Variants in PKIB observed in about 807,000 individuals in gnomAD.
The protein encoded by PKIB is PKI-beta.
PKIB carries 2 observed loss-of-function variants against 4.5 expected under a neutral mutation model. The observed-to-expected ratio is 0.44, with a 90% confidence interval of 0.18 to 1.39. The LOEUF is 1.39. Ranked by LOEUF, PKIB falls within the 40% of genes most tolerant of loss-of-function variation. PKIB has a pLI of 0.27. For missense variants in PKIB, 94 were observed against 92.6 expected (o/e 1.02, Z -0.06); for synonymous variants, 38 against 36.0 (o/e 1.06, Z -0.20).
At chr6:122,548,458 A>C (rs1772573672) in intron 2 of PKIB, among the ~76,000 whole-genome samples, 1 of 152,210 alleles carries the variant, frequency 6.6e-6, no homozygotes, top group South Asian at 2.1e-4. Context: ...AAGCATACGT[A>C]GAGAATGATA....
At chr6:122,623,803 T>C (rs1775328838) in intron 1 of PKIB, among the ~76,000 whole-genome samples, 1 of 152,038 alleles carries the variant, frequency 6.6e-6, no homozygotes, top group South Asian at 2.1e-4. Flanking sequence ...TAAGTTTTTT[T>C]CTAAGATATA....
chr6:122,644,057 T>C (rs998589133), intron 2 of PKIB: 1 of 152,160 alleles, frequency 6.6e-6, no homozygotes, highest in Admixed American at 6.5e-5. Context: ...TTTTTTCATA[T>C]CGTGTGAGCT....
At chr6:122,477,384 G>A (rs1481680766) in intron 1 of PKIB, among the ~76,000 whole-genome samples, 1 of 152,022 alleles carries the variant, frequency 6.6e-6, no homozygotes, top group African/African-American at 2.4e-5. Context: ...TTTGCTTTAG[G>A]TATTGAACCT....
intron 3 of PKIB, among the ~76,000 whole-genome samples, chr6:122,675,941 G>A (rs141194523): frequency 1.3e-4 from 20 of 151,986 alleles, no homozygotes; most frequent in African/African-American, 4.3e-4. Flanking sequence ...TTGGCACCAG[G>A]GACTGGTTTC....
At chr6:122,647,495 A>G (rs1161515434) in intron 2 of PKIB, among the ~76,000 whole-genome samples, 1 of 152,178 alleles carries the variant, frequency 6.6e-6, no homozygotes, top group African/African-American at 2.4e-5. Context: ...AGAACATAGC[A>G]AAGTCATTCT....
At chr6:122,569,453 A>G (rs955867184) in intron 2 of PKIB, among the ~76,000 whole-genome samples, 2 of 152,234 alleles carry the variant, frequency 1.3e-5, no homozygotes, top group Admixed American at 6.5e-5. Context: ...ACCACTGCGT[A>G]CAACACCCTG....
intron 3 of PKIB, among the ~76,000 whole-genome samples, chr6:122,677,968 C>T (rs562611998): frequency 1.3e-5 from 2 of 151,320 alleles, no homozygotes; most frequent in Non-Finnish European, 2.9e-5. Context: ...AGTGCAGTGG[C>T]GAGATCTCGG....
intron 2 of PKIB, among the ~76,000 whole-genome samples, chr6:122,540,673 G>C (rs1167564244): frequency 6.6e-6 from 1 of 151,986 alleles, no homozygotes; most frequent in Non-Finnish European, 1.5e-5. Context: ...TTGGGGTGGA[G>C]AGCTCTGTAG....
chr6:122,521,335 C>T (rs1005298099), intron 2 of PKIB, among the ~76,000 whole-genome samples: 2 of 152,088 alleles, frequency 1.3e-5, no homozygotes, highest in African/African-American at 4.8e-5. Flanking sequence ...CTTTTTGTCA[C>T]ACGACACAAT....
intron 1 of PKIB, among the ~76,000 whole-genome samples, chr6:122,619,399 T>C (rs1358194927): frequency 6.6e-6 from 1 of 152,168 alleles, no homozygotes; most frequent in Non-Finnish European, 1.5e-5. Flanking sequence ...TCTTACCTTA[T>C]TTTATTATTA....
At chr6:122,672,460 T>C (rs2815596) in intron 2 of PKIB, among the ~76,000 whole-genome samples, 150,282 of 152,340 alleles carry the variant, frequency 0.99, 74,150 homozygotes, top group East Asian at 1. Context: ...CTTTGATCTG[T>C]TCCCTTTGTA....
At chr6:122,719,811 C>CTTGATTAA (rs1779660754) in intron 4 of PKIB, among the ~76,000 whole-genome samples, 1 of 151,300 alleles carries the variant, frequency 6.6e-6, no homozygotes. Flanking sequence ...CTTGATTTAG[C>CTTGATTAA]CACTCCACAA....
At chr6:122,614,142 C>T (rs772735406) in intron 1 of PKIB, among the ~76,000 whole-genome samples, 14 of 151,940 alleles carry the variant, frequency 9.2e-5, no homozygotes, top group Non-Finnish European at 1.8e-4. Flanking sequence ...TGACATTGCC[C>T]AAGAGTTGGG....
chr6:122,560,585 A>G (rs57117759), intron 2 of PKIB, among the ~76,000 whole-genome samples: 38 of 152,054 alleles, frequency 2.5e-4, no homozygotes, highest in African/African-American at 8.9e-4. Flanking sequence ...TTCTTTCTCT[A>G]TCTTGTGGAA....
rs1779923595 is a variant in PKIB at position 122,725,584 on chromosome 6, T to G, written c.*389T>G. On this transcript the variant is annotated 3_prime_UTR_variant, in exon 5 of 5. Transcript: ENST00000368452. ...TAAATGTAAATCAAACATGATTGAT[T>G]TAAAACTTCATGGAATTTGTAGAAA... is the stretch of plus-strand genomic sequence containing the variant. 6.3e-6 allele frequency: 1 copy of G among 159,056 alleles called. No individual in the cohort carries two copies. Among genetic ancestry groups the G allele is most frequent in the Non-Finnish European group, 1.4e-5 (1 of 72,796 alleles). 9.9% of individuals were successfully genotyped at this position (159,056 alleles called of 1,614,324 possible). A position where few individuals can be genotyped will look rare whatever the true frequency, so the allele number is the denominator to read the frequency against.
In PKIB at chr6:122,725,329, T is replaced by C. The variant is rs1264789140; in HGVS notation, c.*134T>C. 2.6e-5 allele frequency: 18 copies of C among 688,262 alleles called. No homozygotes were observed. The highest frequency in any genetic ancestry group is 2.4e-4 in the African/African-American group (13 of 55,314). The allele number at this position is 688,262 out of a possible 1,614,324, so 42.6% of individuals were successfully genotyped here. Reference sequence around the variant, plus strand: ...TAAGCAGCATGTGTATATTAGATAATTGTGTTGTGATGCTACTCACTTTGA... The same window carrying C: ...TAAGCAGCATGTGTATATTAGATAACTGTGTTGTGATGCTACTCACTTTGA... On this transcript the variant is annotated 3_prime_UTR_variant, in exon 5 of 5. Coordinates refer to ENST00000368452, the MANE Select transcript of PKIB (RefSeq NM_181795.3).
chr6:122,576,710 A>ATATATTTTTTTT (rs59569106), intron 2 of PKIB, among the ~76,000 whole-genome samples: 2 of 110,022 alleles, frequency 1.8e-5, no homozygotes, highest in African/African-American at 7.9e-5. Context: ...ATATATATAT[A>ATATATTTTTTTT]TTTTCTTTTG....
intron 2 of PKIB, among the ~76,000 whole-genome samples, chr6:122,534,644 C>T (rs537007995): frequency 6.6e-6 from 1 of 152,134 alleles, no homozygotes; most frequent in African/African-American, 2.4e-5. Context: ...AAATACAATA[C>T]TTTCATTGGA....
chr6:122,629,651 C>T (rs532216360), intron 1 of PKIB, among the ~76,000 whole-genome samples: 3 of 152,178 alleles, frequency 2.0e-5, no homozygotes, highest in East Asian at 1.9e-4. Flanking sequence ...AGGTCAACAT[C>T]GGTAGTGATG....
Sources: gnomAD v4.1 joint callset for allele counts (sites outside exome capture counted in the v4.1 genomes callset) on GRCh38, gnomAD v4.1.1 for gene constraint, MANE v1.5 for transcripts, NCBI Gene and HGNC (gene_info 2026-07-23, HGNC 2026-07-21) for gene names.